Variants in TYW1B observed in about 807,000 individuals in gnomAD.
TYW1B encodes the protein tRNA-yW synthesizing protein 1 homolog B, also known as S-adenosyl-L-methionine-dependent tRNA 4-demethylwyosine synthase TYW1B.
TYW1B carries 73 observed loss-of-function variants against 86.9 expected under a neutral mutation model. The observed-to-expected ratio is 0.84, with a 90% CI of 0.70 to 1.02. The LOEUF (loss-of-function observed/expected upper bound fraction) is 1.02, where lower values mean the gene tolerates loss of function less well. Ranked by LOEUF, TYW1B falls within the 50% of genes least tolerant of loss-of-function variation. TYW1B has a pLI of 0.00. For missense variants in TYW1B, 637 were observed against 827.4 expected (o/e 0.77, Z 2.82); for synonymous variants, 248 against 292.8 (o/e 0.85, Z 1.56).
intron 11 of TYW1B, among the ~76,000 whole-genome samples, chr7:72,694,460 T>C (rs1814259300): frequency 6.6e-6 from 1 of 152,220 alleles, no homozygotes; most frequent in Admixed American, 6.5e-5. Context: ...ATACAAAGCA[T>C]TGTGCTACAA....
chr7:72,621,203 C>T (rs1812205917), intron 12 of TYW1B, among the ~76,000 whole-genome samples: 2 of 152,322 alleles, frequency 1.3e-5, no homozygotes, highest in South Asian at 4.1e-4. Context: ...TGACTGAAAG[C>T]AGCCTGTGGC....
chr7:72,687,979 G>A (rs1332474342), intron 11 of TYW1B, among the ~76,000 whole-genome samples: 1 of 152,056 alleles, frequency 6.6e-6, no homozygotes, highest in Non-Finnish European at 1.5e-5. Flanking sequence ...TTGAGTCCAG[G>A]AGTTCAAGAC....
intron 4 of TYW1B, 87 bp from the exon 5 acceptor site, chr7:72,807,443 G>A: frequency 1.3e-6 from 2 of 1,514,420 alleles, no homozygotes; most frequent in African/African-American, 1.4e-5. Flanking sequence ...AAGTCCTTCT[G>A]GGGCCCCTGG....
chr7:72,820,720 G>C (rs778420315), intron 2 of TYW1B, among the ~76,000 whole-genome samples: 1 of 152,096 alleles, frequency 6.6e-6, no homozygotes, highest in Non-Finnish European at 1.5e-5. Context: ...ATCTATTCAG[G>C]AGGGATCTGC....
intron 6 of TYW1B, among the ~76,000 whole-genome samples, chr7:72,781,543 C>A (rs1479443689): frequency 5.9e-5 from 9 of 152,080 alleles, no homozygotes; most frequent in African/African-American, 2.2e-4. Flanking sequence ...TTTCTTTTTT[C>A]AAAAGCCAGT....
chr7:72,746,115 C>G (rs1440607862), intron 7 of TYW1B, among the ~76,000 whole-genome samples: 2 of 152,018 alleles, frequency 1.3e-5, no homozygotes, highest in Non-Finnish European at 2.9e-5. Context: ...CTGCCCGCCT[C>G]GACCTCCCAA....
chr7:72,605,490 A>C (rs1451635145), intron 13 of TYW1B, among the ~76,000 whole-genome samples: 1 of 151,956 alleles, frequency 6.6e-6, no homozygotes, highest in Non-Finnish European at 1.5e-5. Flanking sequence ...AATAGCTGGG[A>C]CTACAGGCAC....
chr7:72,706,090 A>G (rs1313613251), intron 10 of TYW1B, among the ~76,000 whole-genome samples: 1 of 152,202 alleles, frequency 6.6e-6, no homozygotes, highest in Non-Finnish European at 1.5e-5. Flanking sequence ...GAGGGAAAAG[A>G]ATTCTTTGTG....
chr7:72,687,890 C>CA (rs1268311487), intron 11 of TYW1B, among the ~76,000 whole-genome samples: 13 of 150,520 alleles, frequency 8.6e-5, no homozygotes, highest in Admixed American at 6.0e-4. Context: ...ACCCATCTCT[C>CA]AAAAAAAAAT....
At chr7:72,618,482 C>T (rs1331227941) in intron 12 of TYW1B, among the ~76,000 whole-genome samples, 5 of 152,086 alleles carry the variant, frequency 3.3e-5, no homozygotes, top group African/African-American at 1.2e-4. Context: ...CTCCCATGTG[C>T]TGGGATTACA....
At chr7:72,634,661 G>C (rs1281117615) in intron 11 of TYW1B, among the ~76,000 whole-genome samples, 1 of 151,936 alleles carries the variant, frequency 6.6e-6, no homozygotes, top group Non-Finnish European at 1.5e-5. Flanking sequence ...TTGGTTGGTT[G>C]TTATCTTCAA....
At chr7:72,781,950 C>A (rs1788057012) in intron 6 of TYW1B, among the ~76,000 whole-genome samples, 2 of 152,002 alleles carry the variant, frequency 1.3e-5, no homozygotes, top group Admixed American at 1.3e-4. Flanking sequence ...AGGTATAAAG[C>A]AGTGTTACTA....
intron 8 of TYW1B, among the ~76,000 whole-genome samples, chr7:72,740,241 G>GA (rs1158372680): frequency 2.0e-5 from 3 of 149,296 alleles, no homozygotes; most frequent in East Asian, 2.0e-4. Context: ...TCAAAAAAAA[G>GA]AAAAAAAAAT....
chr7:72,661,488 T>C (rs1422899159), intron 11 of TYW1B, among the ~76,000 whole-genome samples: 3 of 148,910 alleles, frequency 2.0e-5, no homozygotes, highest in African/African-American at 7.4e-5. Context: ...GTGGATGCTG[T>C]AGGAGAATCT....
intron 10 of TYW1B, among the ~76,000 whole-genome samples, chr7:72,695,180 C>T (rs1296495316): frequency 1.3e-5 from 2 of 152,202 alleles, no homozygotes; most frequent in African/African-American, 4.8e-5. Context: ...CTTTCCCACC[C>T]ACACACTCTG....
At chr7:72,636,902 C>T (rs755196617) in intron 11 of TYW1B, among the ~76,000 whole-genome samples, 22 of 152,110 alleles carry the variant, frequency 1.4e-4, no homozygotes, top group Admixed American at 1.3e-3. Flanking sequence ...ACTGGCTGGA[C>T]GCAGTGGCTT....
intron 8 of TYW1B, among the ~76,000 whole-genome samples, chr7:72,734,597 CAAAT>C (rs1210581592): frequency 6.6e-6 from 1 of 151,982 alleles, no homozygotes. Flanking sequence ...AAAGTAAAAA[CAAAT>C]AAATAGGATG....
At chr7:72,661,412 A>G (rs1161518983) in intron 11 of TYW1B, among the ~76,000 whole-genome samples, 3 of 151,156 alleles carry the variant, frequency 2.0e-5, no homozygotes, top group Admixed American at 6.6e-5. Context: ...GACAGGGGGG[A>G]AAAAAAAGAC....
intron 12 of TYW1B, among the ~76,000 whole-genome samples, chr7:72,627,456 G>GTAACATAACGTAACA (rs1554439049): frequency 7.2e-5 from 9 of 124,612 alleles, no homozygotes; most frequent in African/African-American, 2.5e-4. Flanking sequence ...TCAAAAAACA[G>GTAACATAACGTAACA]TAACATAACA....
Sources: allele counts gnomAD v4.1 joint callset (sites outside exome capture counted in the v4.1 genomes callset), GRCh38; gene constraint gnomAD v4.1.1; transcripts MANE v1.5; gene names NCBI Gene and HGNC (gene_info 2026-07-23, HGNC 2026-07-21).